DOCK1: variants seen among roughly 807,000 people sequenced by gnomAD.
DOCK1 encodes the protein dedicator of cytokinesis 1.
In DOCK1, 138 loss-of-function variants were observed where a neutral mutation model predicts 262.7. The observed-to-expected ratio is 0.53, with a 90% CI of 0.46 to 0.61. The LOEUF (loss-of-function observed/expected upper bound fraction) is 0.61. Ranked by LOEUF, DOCK1 falls within the 20% of genes least tolerant of loss-of-function variation. DOCK1 has a pLI of 0.00. For synonymous variants in DOCK1, 866 were observed against 867.4 expected (o/e 1.00, Z 0.03); for missense variants, 1,908 against 2,370.7 (o/e 0.80, Z 4.05).
chr10:127,257,485 TGGGAACA>T, intron 29 of DOCK1, 56 bp downstream of exon 29: 2 of 1,486,276 alleles, frequency 1.3e-6, no homozygotes, highest in Non-Finnish European at 9.2e-7. Flanking sequence ...TCATGTCTGC[TGGGAACA>T]GTGGTGTTGC....
chr10:127,018,895 A>T, intron 13 of DOCK1, 60 bp downstream of exon 13: 4 of 1,601,326 alleles, frequency 2.5e-6, no homozygotes, highest in Non-Finnish European at 3.4e-6. Flanking sequence ...GCCACGGAGG[A>T]TGACGTGTGG....
chr10:127,216,606 CA>C (rs2058225794), intron 27 of DOCK1, among the ~76,000 whole-genome samples: 2 of 152,160 alleles, frequency 1.3e-5, no homozygotes, highest in South Asian at 4.1e-4. Flanking sequence ...CATATGTAGG[CA>C]AAAGGTTCCT....
chr10:127,093,609 C>T (rs2047718265), intron 23 of DOCK1, among the ~76,000 whole-genome samples: 5 of 151,988 alleles, frequency 3.3e-5, no homozygotes, highest in Admixed American at 3.3e-4. Context: ...CTGCCTCAGC[C>T]TTCCAAAGTG....
chr10:126,975,590 A>G (rs1268470369), intron 2 of DOCK1, among the ~76,000 whole-genome samples: 2 of 150,982 alleles, frequency 1.3e-5, no homozygotes, highest in Admixed American at 1.3e-4. Context: ...GGTTTCTTCT[A>G]TACATAGTTT....
rs12266305 is a variant in DOCK1 at position 127,093,644 on chromosome 10, G to A, written c.2446-12587G>A. ...GCTGGGATTACAGGTGTGAGCCATCGCACCCATGGCCTTTTTTTTTTTCTT... is the reference window on the plus strand; with the variant it reads ...GCTGGGATTACAGGTGTGAGCCATCACACCCATGGCCTTTTTTTTTTTCTT... On this transcript the variant is annotated intron_variant, in intron 23 of 51. Transcript: ENST00000623213. Among the ~76,000 whole-genome samples, 1,017 of 151,736 alleles carry A rather than the reference G, an allele frequency of 6.7e-3. 6 individuals are homozygous for A. Among genetic ancestry groups the A allele is most frequent in the Admixed American group, 0.012 (181 of 15,248 alleles).
At chr10:127,282,399 G>T (rs1029038510) in intron 29 of DOCK1, among the ~76,000 whole-genome samples, 1 of 152,178 alleles carries the variant, frequency 6.6e-6, no homozygotes, top group Non-Finnish European at 1.5e-5. Flanking sequence ...GCATCTCCGA[G>T]GTCCTGTGAT....
At chr10:127,342,700 T>C (rs958931202) in intron 30 of DOCK1, among the ~76,000 whole-genome samples, 12 of 152,232 alleles carry the variant, frequency 7.9e-5, no homozygotes, top group Non-Finnish European at 1.6e-4. Context: ...TTTGATATAA[T>C]ACATATTATC....
chr10:127,334,827 T>A (rs1056093770), intron 29 of DOCK1, among the ~76,000 whole-genome samples: 2 of 152,198 alleles, frequency 1.3e-5, no homozygotes, highest in African/African-American at 4.8e-5. Flanking sequence ...TAAGACATAA[T>A]TTGTGTGGTT....
chr10:127,003,975 C>T (rs1362111764), intron 10 of DOCK1, among the ~76,000 whole-genome samples: 1 of 151,448 alleles, frequency 6.6e-6, no homozygotes, highest in African/African-American at 2.4e-5. Context: ...AAAAAAAAGG[C>T]CAGGTACAGT....
chr10:127,080,451 T>C (rs538284195), intron 23 of DOCK1, among the ~76,000 whole-genome samples: 2 of 152,234 alleles, frequency 1.3e-5, no homozygotes, highest in African/African-American at 2.4e-5. Flanking sequence ...TTGATTGATA[T>C]TTGCTTTTGT....
intron 29 of DOCK1, among the ~76,000 whole-genome samples, chr10:127,264,596 G>A (rs186371444): frequency 2.6e-5 from 4 of 152,216 alleles, no homozygotes; most frequent in Admixed American, 6.5e-5. Flanking sequence ...GACGGTTGCC[G>A]GGTTCTCACT....
In DOCK1 at chr10:127,060,570, C is replaced by T. The variant is rs115541193; in HGVS notation, c.2337-1098C>T. 3.8e-3 allele frequency among the ~76,000 whole-genome samples: 585 copies of T among 152,290 alleles called. 1 individual carries two copies. The highest frequency in any genetic ancestry group is 0.013 in the African/African-American group (552 of 41,566). On this transcript the variant is annotated intron_variant, in intron 22 of 51. Transcript: ENST00000623213. ...GGCAGCAAACTAGTATTAGTAAACA[C>T]TGTATTAATAAAACATCTGAGTCAC...
intron 29 of DOCK1, among the ~76,000 whole-genome samples, chr10:127,331,982 T>C (rs2063003352): frequency 6.6e-6 from 1 of 152,206 alleles, no homozygotes. Context: ...CAGCAGAAAC[T>C]AGAGGTGGTC....
At chr10:127,224,805 T>C (rs536257579) in intron 27 of DOCK1, among the ~76,000 whole-genome samples, 2 of 152,070 alleles carry the variant, frequency 1.3e-5, no homozygotes, top group Non-Finnish European at 2.9e-5. Context: ...ATAATTTAAA[T>C]TATTTCAGTA....
chr10:127,081,360 G>C (rs2136012828), intron 23 of DOCK1, among the ~76,000 whole-genome samples: 1 of 143,900 alleles, frequency 6.9e-6, no homozygotes, highest in East Asian at 2.0e-4. Context: ...TGTGGACCCT[G>C]TATGTGGGGC....
intron 39 of DOCK1, among the ~76,000 whole-genome samples, chr10:127,403,713 C>T (rs540575743): frequency 2.6e-5 from 4 of 152,240 alleles, no homozygotes; most frequent in South Asian, 2.1e-4. Flanking sequence ...GAGCTGAGAT[C>T]GCGCCAATGC....
intron 10 of DOCK1, among the ~76,000 whole-genome samples, chr10:127,003,288 G>A (rs1270975849): frequency 6.6e-6 from 1 of 150,836 alleles, no homozygotes; most frequent in African/African-American, 2.5e-5. Flanking sequence ...GCGTGAACCT[G>A]TGTGAACCTG....
chr10:127,111,715 T>C (rs2048875648), intron 25 of DOCK1, among the ~76,000 whole-genome samples: 3 of 152,156 alleles, frequency 2.0e-5, no homozygotes, highest in African/African-American at 7.2e-5. Context: ...TTAGGTGGGT[T>C]ACTGATGCTC....
chr10:127,403,749 A>T (rs901605499), intron 39 of DOCK1, among the ~76,000 whole-genome samples: 2 of 152,196 alleles, frequency 1.3e-5, no homozygotes. Context: ...ACAGAGTGAG[A>T]GTCCGTCTCA....
Sources: allele counts gnomAD v4.1 joint callset (sites outside exome capture counted in the v4.1 genomes callset), GRCh38; gene constraint gnomAD v4.1.1; transcripts MANE v1.5; gene names NCBI Gene and HGNC (gene_info 2026-07-23, HGNC 2026-07-21).